The following NSUN6 variants were observed in gnomAD, a reference collection of about 807,000 sequenced individuals.
The protein encoded by NSUN6 is NOP2/Sun RNA methyltransferase 6.
A neutral mutation model predicts 58.0 loss-of-function variants in NSUN6; 64 were observed. The observed-to-expected ratio is 1.10, with a 90% confidence interval of 0.90 to 1.36. The LOEUF (loss-of-function observed/expected upper bound fraction) is 1.36. Among genes scored for constraint, NSUN6 ranks in the 40% most tolerant of loss-of-function variants. NSUN6 has a pLI of 0.00. For synonymous variants in NSUN6, 231 were observed against 193.9 expected, an observed-to-expected ratio of 1.19 and a Z score of -1.59; for missense variants, 701 against 550.1, an observed-to-expected ratio of 1.27 and a Z score of -2.74.
upstream of NSUN6, among the ~76,000 whole-genome samples, chr10:18,658,022 C>A (rs1004867669): frequency 2.0e-5 from 3 of 149,564 alleles, no homozygotes; most frequent in African/African-American, 7.3e-5. Flanking sequence ...ACATCCATGT[C>A]TAACAATTGA....
intron 8 of NSUN6, among the ~76,000 whole-genome samples, chr10:18,559,334 G>C (rs1257798489): frequency 6.7e-6 from 1 of 150,110 alleles, no homozygotes; most frequent in Admixed American, 6.7e-5. Context: ...GGGATGGAAT[G>C]GAGAATTGAT....
Position 18,616,330 on chromosome 10 carries a change from T to C in NSUN6, c.312-37A>G, listed in dbSNP as rs1052057313. 2.4e-6 allele frequency: 3 copies of C among 1,240,524 alleles called. No individual in the cohort carries two copies. In the African/African-American group the frequency reaches 4.4e-5, roughly 18 times the overall value. 76.8% of individuals were successfully genotyped at this position (1,240,524 alleles called of 1,614,324 possible). A position where few individuals can be genotyped will look rare whatever the true frequency, so the allele number is the denominator to read the frequency against. The stretch of plus-strand genomic sequence containing the variant: ...AGACACAAGAAGTTTAATAGTAACA[T>C]ACCTCCAATGCCTACCAATTTTTCC... On this transcript the variant is annotated intron_variant, in intron 3 of 10. Coordinates refer to ENST00000377304, the MANE Select transcript of NSUN6 (RefSeq NM_182543.5).
chr10:18,617,528 A>G (rs2058456955), intron 3 of NSUN6, among the ~76,000 whole-genome samples: 1 of 152,170 alleles, frequency 6.6e-6, no homozygotes, highest in Non-Finnish European at 1.5e-5. Context: ...ACGGACAGCT[A>G]TATAGAGACG....
intron 3 of NSUN6, among the ~76,000 whole-genome samples, chr10:18,618,497 C>A (rs750485725): frequency 1.3e-5 from 2 of 151,902 alleles, no homozygotes; most frequent in African/African-American, 4.8e-5. Context: ...GCCTGACCAA[C>A]ATGAAGAAAT....
chr10:18,553,511 G>C (rs1046182462), intron 8 of NSUN6, among the ~76,000 whole-genome samples: 6 of 151,470 alleles, frequency 4.0e-5, no homozygotes, highest in African/African-American at 1.5e-4. Flanking sequence ...GAATGGAGCG[G>C]AGAAAGGAAT....
intron 8 of NSUN6, among the ~76,000 whole-genome samples, chr10:18,561,808 G>C (rs1277469585): frequency 1.3e-5 from 2 of 150,838 alleles, no homozygotes; most frequent in Non-Finnish European, 3.0e-5. Context: ...GGAATGGAAT[G>C]CAGTGGTGAA....
chr10:18,652,569 C>CTTTTTTT, upstream of NSUN6: 2 of 898,284 alleles, frequency 2.2e-6, no homozygotes, highest in Non-Finnish European at 2.6e-6. Context: ...TTTCTCTGCT[C>CTTTTTTT]TTTTTTTTTT....
At chr10:18,625,626 T>C (rs1400049156) in intron 3 of NSUN6, among the ~76,000 whole-genome samples, 1 of 138,436 alleles carries the variant, frequency 7.2e-6, no homozygotes, top group Non-Finnish European at 1.5e-5. Context: ...GGCAGGAGAA[T>C]CACTTGAATC....
chr10:18,622,715 G>A (rs2058656154), intron 3 of NSUN6, among the ~76,000 whole-genome samples: 1 of 152,144 alleles, frequency 6.6e-6, no homozygotes. Flanking sequence ...GCCTTGGGGG[G>A]AAAAAGATGG....
At position 18,635,426 on chromosome 10, in the gene NSUN6, C is replaced by T. The variant is rs2059179915; in HGVS notation, c.311+7050G>A. 2.0e-5 allele frequency among the ~76,000 whole-genome samples: 3 copies of T among 152,114 alleles called. No homozygotes were observed. The South Asian group carries it at 6.2e-4, about 32-fold the overall frequency. On this transcript the variant is annotated intron_variant, in intron 3 of 10. Coordinates refer to ENST00000377304, the MANE Select transcript of NSUN6 (RefSeq NM_182543.5). ...GTAGGTAATATCTGTGCCAGAAACGCAGCACACAAAGTCCTGCTGCCTTTA... is the reference window on the plus strand; with the variant it reads ...GTAGGTAATATCTGTGCCAGAAACGTAGCACACAAAGTCCTGCTGCCTTTA...
intron 3 of NSUN6, among the ~76,000 whole-genome samples, chr10:18,617,957 C>A (rs1462488488): frequency 6.6e-6 from 1 of 152,172 alleles, no homozygotes; most frequent in African/African-American, 2.4e-5. Flanking sequence ...TATCCTCCAA[C>A]ACTACAAAAA....
At chr10:18,604,066 C>T (rs1315303970) in intron 6 of NSUN6, among the ~76,000 whole-genome samples, 1 of 152,082 alleles carries the variant, frequency 6.6e-6, no homozygotes, top group Non-Finnish European at 1.5e-5. Flanking sequence ...CCTGCAGTCC[C>T]ACCTACTCGG....
At chr10:18,655,359 A>C (rs1181991937), upstream of NSUN6, among the ~76,000 whole-genome samples, 1 of 152,206 alleles carries the variant, frequency 6.6e-6, no homozygotes, top group East Asian at 1.9e-4. Context: ...CAGTTTCTTC[A>C]TCTGTGAAAT....
intron 5 of NSUN6, among the ~76,000 whole-genome samples, chr10:18,610,491 T>C (rs971625690): frequency 6.6e-6 from 1 of 152,240 alleles, no homozygotes; most frequent in Non-Finnish European, 1.5e-5. Flanking sequence ...AGCACAAATG[T>C]GTTTCTGTAG....
In NSUN6 at chr10:18,594,858, T is replaced by G. The variant is rs555373506; in HGVS notation, c.777+1350A>C. On this transcript the variant is annotated intron_variant, in intron 7 of 10. Coordinates refer to ENST00000377304, the MANE Select transcript of NSUN6 (RefSeq NM_182543.5). ...CTGTCACTCTGATGGGATTCAGTCA[T>G]GTGATTTGTTTTGGCCAATAAATAG... 3.3e-5 allele frequency among the ~76,000 whole-genome samples: 5 copies of G among 152,332 alleles called. No individual in the cohort carries two copies. The East Asian group carries it at 9.6e-4, about 29-fold the overall frequency.
chr10:18,554,957 A>G (rs981040886), intron 8 of NSUN6, among the ~76,000 whole-genome samples: 1 of 151,434 alleles, frequency 6.6e-6, no homozygotes, highest in African/African-American at 2.4e-5. Flanking sequence ...AATGAAATGA[A>G]ATGGAGAATG....
At chr10:18,596,778 C>T (rs1053892001) in intron 6 of NSUN6, among the ~76,000 whole-genome samples, 4 of 152,122 alleles carry the variant, frequency 2.6e-5, no homozygotes, top group Admixed American at 6.6e-5. Context: ...CATTTTAGTA[C>T]AAAAGCATGC....
intron 8 of NSUN6, among the ~76,000 whole-genome samples, chr10:18,577,829 C>A (rs113934634): frequency 6.6e-6 from 1 of 152,314 alleles, no homozygotes; most frequent in Non-Finnish European, 1.5e-5. Context: ...CCCTGGCTCC[C>A]GCCAAACCAC....
At chr10:18,555,191 G>A (rs1387679342) in intron 8 of NSUN6, among the ~76,000 whole-genome samples, 1 of 150,894 alleles carries the variant, frequency 6.6e-6, no homozygotes, top group African/African-American at 2.4e-5. Context: ...ATGGAATGGA[G>A]AATGGAATGG....
Sources: allele counts gnomAD v4.1 joint callset (sites outside exome capture counted in the v4.1 genomes callset), GRCh38; gene constraint gnomAD v4.1.1; transcripts MANE v1.5; gene names NCBI Gene and HGNC (gene_info 2026-07-23, HGNC 2026-07-21).